The following GABRB1 variants were observed in gnomAD, a reference collection of about 807,000 sequenced individuals.
GABRB1 encodes the protein gamma-aminobutyric acid receptor subunit beta-1.
In GABRB1, 17 loss-of-function variants were observed where a neutral mutation model predicts 51.6. The observed-to-expected ratio is 0.33, with a 90% confidence interval of 0.23 to 0.49. The LOEUF (loss-of-function observed/expected upper bound fraction) is 0.49. Among genes scored for constraint, GABRB1 ranks in the 20% least tolerant of loss-of-function variants. The pLI, the probability that GABRB1 is intolerant of heterozygous loss-of-function variation, is 0.99. For missense variants in GABRB1, 410 were observed against 600.6 expected, an observed-to-expected ratio of 0.68 and a Z score of 3.32; for synonymous variants, 247 against 218.9, an observed-to-expected ratio of 1.13 and a Z score of -1.14.
At chr4:47,248,277 C>G (rs532137668) in intron 4 of GABRB1, among the ~76,000 whole-genome samples, 1 of 152,184 alleles carries the variant, frequency 6.6e-6, no homozygotes, top group South Asian at 2.1e-4. Context: ...TTGAGATGAT[C>G]ATGTGATTTT....
At chr4:47,403,508 G>C (rs778442396) in intron 6 of GABRB1, 51 bp from the exon 7 acceptor site, 1 of 1,613,182 alleles carries the variant, frequency 6.2e-7, no homozygotes, top group Admixed American at 1.7e-5. Flanking sequence ...GGAAGAAGAT[G>C]GTTCCAACCA....
chr4:47,014,299 A>G (rs999693599), intron 1 of GABRB1, among the ~76,000 whole-genome samples: 2 of 152,182 alleles, frequency 1.3e-5, no homozygotes, highest in Non-Finnish European at 2.9e-5. Flanking sequence ...GCTTTCTACA[A>G]ACACTTGCAG....
intron 4 of GABRB1, among the ~76,000 whole-genome samples, chr4:47,243,433 G>T (rs1454346675): frequency 6.6e-6 from 1 of 152,168 alleles, no homozygotes; most frequent in Non-Finnish European, 1.5e-5. Context: ...GAAAGTCATT[G>T]GTAGCTTGAT....
intron 5 of GABRB1, among the ~76,000 whole-genome samples, chr4:47,350,224 G>T (rs1024502588): frequency 2.6e-4 from 36 of 136,840 alleles, no homozygotes; most frequent in East Asian, 1.3e-3. Flanking sequence ...TATATAGAGA[G>T]AGAGAGAGAG....
intron 4 of GABRB1, among the ~76,000 whole-genome samples, chr4:47,270,001 A>T (rs1289259994): frequency 6.7e-6 from 1 of 148,664 alleles, no homozygotes; most frequent in Non-Finnish European, 1.5e-5. Context: ...ACTCTTAAAG[A>T]AGTCCAACAA....
intron 3 of GABRB1, among the ~76,000 whole-genome samples, chr4:47,112,100 G>C (rs1043791382): frequency 6.6e-6 from 1 of 151,500 alleles, no homozygotes; most frequent in African/African-American, 2.4e-5. Context: ...CTCCCGAGTA[G>C]CTGGGACTAC....
intron 3 of GABRB1, among the ~76,000 whole-genome samples, chr4:47,084,835 A>G (rs763363271): frequency 6.6e-6 from 1 of 152,174 alleles, no homozygotes; most frequent in Non-Finnish European, 1.5e-5. Flanking sequence ...ACCCTCTGTT[A>G]CCCACTTTGA....
At chr4:47,134,664 C>A (rs1198594792) in intron 3 of GABRB1, among the ~76,000 whole-genome samples, 1 of 152,030 alleles carries the variant, frequency 6.6e-6, no homozygotes, top group African/African-American at 2.4e-5. Context: ...GATTGACATT[C>A]CTAGAAATTT....
intron 4 of GABRB1, among the ~76,000 whole-genome samples, chr4:47,295,941 G>A (rs1723973651): frequency 6.6e-6 from 1 of 152,136 alleles, no homozygotes; most frequent in African/African-American, 2.4e-5. Flanking sequence ...AGAAGAGAGT[G>A]GGGGCCAATA....
chr4:47,227,567 C>T (rs749565909), intron 4 of GABRB1, among the ~76,000 whole-genome samples: 1 of 152,110 alleles, frequency 6.6e-6, no homozygotes, highest in Non-Finnish European at 1.5e-5. Context: ...ACATAGAGCA[C>T]TAGAGCTGAG....
intron 4 of GABRB1, among the ~76,000 whole-genome samples, chr4:47,238,419 C>T (rs1721404826): frequency 6.6e-6 from 1 of 152,054 alleles, no homozygotes; most frequent in Non-Finnish European, 1.5e-5. Flanking sequence ...TTTTAAATCA[C>T]TTCAGAGAAT....
At chr4:47,392,431 C>T (rs1728031923) in intron 5 of GABRB1, among the ~76,000 whole-genome samples, 1 of 151,444 alleles carries the variant, frequency 6.6e-6, no homozygotes, top group South Asian at 2.1e-4. Context: ...CAACCTCTGC[C>T]TCCCAGGTTT....
At chr4:47,127,881 T>A (rs1429696433) in intron 3 of GABRB1, among the ~76,000 whole-genome samples, 2 of 151,618 alleles carry the variant, frequency 1.3e-5, no homozygotes, top group African/African-American at 2.4e-5. Context: ...TGGTTAGTAA[T>A]CCAATAGTGG....
At chr4:47,216,767 C>T (rs900352921) in intron 4 of GABRB1, among the ~76,000 whole-genome samples, 2 of 151,764 alleles carry the variant, frequency 1.3e-5, no homozygotes, top group East Asian at 1.9e-4. Flanking sequence ...GCATGCATAG[C>T]GAAGTGGTAC....
chr4:47,345,892 A>C (rs1420622764), intron 5 of GABRB1, among the ~76,000 whole-genome samples: 1 of 152,178 alleles, frequency 6.6e-6, no homozygotes, highest in Non-Finnish European at 1.5e-5. Context: ...AAGCACACCC[A>C]CAATGCATAA....
intron 3 of GABRB1, among the ~76,000 whole-genome samples, chr4:47,130,050 C>T (rs760173939): frequency 4.6e-5 from 7 of 152,050 alleles, no homozygotes; most frequent in Non-Finnish European, 8.8e-5. Context: ...AATCACATGC[C>T]CTCTCCTCCA....
intron 4 of GABRB1, among the ~76,000 whole-genome samples, chr4:47,232,570 A>G (rs1195145117): frequency 6.6e-6 from 1 of 152,182 alleles, no homozygotes; most frequent in Non-Finnish European, 1.5e-5. Flanking sequence ...TGATTACAGT[A>G]TCTCCATCTG....
intron 4 of GABRB1, among the ~76,000 whole-genome samples, chr4:47,254,266 C>T (rs774047243): frequency 6.6e-6 from 1 of 151,880 alleles, no homozygotes; most frequent in African/African-American, 2.4e-5. Context: ...ACCCCTGTCC[C>T]CACCCCATTA....
intron 3 of GABRB1, among the ~76,000 whole-genome samples, chr4:47,046,358 A>C (rs1318905862): frequency 1.3e-5 from 2 of 152,158 alleles, no homozygotes; most frequent in African/African-American, 2.4e-5. Flanking sequence ...AACAAACAAA[A>C]ATATTATTTA....
Sources: allele counts gnomAD v4.1 joint callset (sites outside exome capture counted in the v4.1 genomes callset), GRCh38; gene constraint gnomAD v4.1.1; transcripts MANE v1.5; gene names NCBI Gene and HGNC (gene_info 2026-07-23, HGNC 2026-07-21).